JAK1: variants seen among roughly 807,000 people sequenced by gnomAD.
The protein encoded by JAK1 is Janus kinase 1.
JAK1 carries 16 observed loss-of-function variants against 136.6 expected under a neutral mutation model. That is an observed-to-expected ratio of 0.12 (90% CI 0.08 to 0.18). The LOEUF (loss-of-function observed/expected upper bound fraction) is 0.18, where lower values mean the gene tolerates loss of function less well. Ranked by LOEUF, JAK1 falls within the 10% of genes least tolerant of loss-of-function variation. The pLI, the probability that JAK1 is intolerant of heterozygous loss-of-function variation, is 1.00. For missense variants in JAK1, 859 were observed against 1,450.1 expected (o/e 0.59, Z 6.62); for synonymous variants, 492 against 519.5 (o/e 0.95, Z 0.72).
At chr1:64,945,740 T>TC (rs930397980) in intron 1 of JAK1, among the ~76,000 whole-genome samples, 3 of 151,586 alleles carry the variant, frequency 2.0e-5, no homozygotes, top group Non-Finnish European at 3.0e-5. Flanking sequence ...TCTTTTTTTT[T>TC]TTCTTTGACA....
At chr1:65,060,820 A>T (rs1647760714) in intron 1 of JAK1, among the ~76,000 whole-genome samples, 1 of 152,186 alleles carries the variant, frequency 6.6e-6, no homozygotes, top group South Asian at 2.1e-4. Context: ...CATTTTTGAA[A>T]ATTTAAATCC....
At chr1:64,909,587 G>A (rs1383019596) in intron 1 of JAK1, among the ~76,000 whole-genome samples, 1 of 151,322 alleles carries the variant, frequency 6.6e-6, no homozygotes, top group African/African-American at 2.4e-5. Flanking sequence ...TTGGAAGGAT[G>A]AGGCAAGAGG....
At chr1:65,025,017 C>A (rs994038353) in intron 2 of JAK1, among the ~76,000 whole-genome samples, 1 of 152,082 alleles carries the variant, frequency 6.6e-6, no homozygotes, top group Non-Finnish European at 1.5e-5. Flanking sequence ...TCTTCCTTCT[C>A]CCCTCTTAGC....
chr1:64,843,098 A>AC (rs1655010917), intron 17 of JAK1, among the ~76,000 whole-genome samples: 1 of 151,786 alleles, frequency 6.6e-6, no homozygotes, highest in South Asian at 2.1e-4. Flanking sequence ...GTCCCATGCC[A>AC]CCCCCAGTAA....
At chr1:64,879,237 A>G (rs1422151846) in intron 3 of JAK1, 89 bp from the exon 4 acceptor site, 2 of 1,467,088 alleles carry the variant, frequency 1.4e-6, no homozygotes, top group East Asian at 2.4e-5. Flanking sequence ...AAGATAAGGA[A>G]CTCTCTCATC....
intron 1 of JAK1, among the ~76,000 whole-genome samples, chr1:64,927,164 C>T (rs1340328506): frequency 1.3e-5 from 2 of 152,182 alleles, no homozygotes; most frequent in African/African-American, 2.4e-5. Flanking sequence ...CGTACCCTGA[C>T]GACCCTATTA....
intron 2 of JAK1, among the ~76,000 whole-genome samples, chr1:65,021,613 T>C (rs1439550311): frequency 6.6e-6 from 1 of 152,142 alleles, no homozygotes; most frequent in Admixed American, 6.6e-5. Context: ...TGCTAAGAAG[T>C]TGTTCATTGA....
At position 64,834,063 on chromosome 1, in the gene JAK1, T is replaced by C. The variant is rs1654313411; in HGVS notation, c.*499A>G. The C allele has an allele frequency of 8.6e-6, 2 of 232,928 alleles. No individual in the cohort carries two copies. The highest frequency in any genetic ancestry group is 1.1e-4 in the Admixed American group (2 of 17,794). The allele number at this position is 232,928 out of a possible 1,614,324, so 14.4% of individuals were successfully genotyped here. On this transcript the variant is annotated 3_prime_UTR_variant, in exon 25 of 25. Coordinates refer to ENST00000342505, the MANE Select transcript of JAK1 (RefSeq NM_002227.4). ...ATATACTACCTGGTATCTAATATTT[T>C]AAGAATGCATGGTCTAGTACTGTAT... is the stretch of plus-strand genomic sequence containing the variant.
chr1:64,856,187 C>A (rs1206245064), intron 10 of JAK1, among the ~76,000 whole-genome samples: 2 of 152,212 alleles, frequency 1.3e-5, no homozygotes, highest in East Asian at 3.8e-4. Context: ...GAAAACCACA[C>A]TGGGAGCTGG....
chr1:64,925,117 C>G (rs1001373819), intron 1 of JAK1, among the ~76,000 whole-genome samples: 3 of 152,022 alleles, frequency 2.0e-5, no homozygotes, highest in Non-Finnish European at 4.4e-5. Flanking sequence ...TTGCTCTAGG[C>G]TGGGCGCAGT....
chr1:64,860,690 G>C (rs1283044254), intron 8 of JAK1, among the ~76,000 whole-genome samples: 2 of 152,000 alleles, frequency 1.3e-5, no homozygotes, highest in African/African-American at 2.4e-5. Flanking sequence ...CTGACCTCGA[G>C]TGATCTCCCA....
intron 1 of JAK1, among the ~76,000 whole-genome samples, chr1:64,965,492 G>A (rs577919049): frequency 1.3e-5 from 2 of 152,268 alleles, no homozygotes; most frequent in East Asian, 1.9e-4. Context: ...CACATCCAAG[G>A]AGCCCACATC....
intron 1 of JAK1, among the ~76,000 whole-genome samples, chr1:65,053,770 G>A (rs1557777042): frequency 3.3e-5 from 5 of 152,290 alleles, no homozygotes; most frequent in African/African-American, 7.2e-5. Flanking sequence ...ACAATGAGCC[G>A]TGATGGCACC....
At chr1:64,947,207 T>A (rs1377574354) in intron 1 of JAK1, among the ~76,000 whole-genome samples, 1 of 148,734 alleles carries the variant, frequency 6.7e-6, no homozygotes, top group Non-Finnish European at 1.5e-5. Context: ...GTAAATTTTA[T>A]GTTGTTTATT....
At chr1:64,887,520 C>G (rs918003915) in intron 1 of JAK1, among the ~76,000 whole-genome samples, 2 of 152,170 alleles carry the variant, frequency 1.3e-5, no homozygotes, top group Admixed American at 6.5e-5. Context: ...TTTCAAACAG[C>G]TCTGCAGAAA....
Position 64,991,713 on chromosome 1 carries a change from GAACT to G in JAK1, c.-78+52763_-78+52766del, listed in dbSNP as rs767430028. On this transcript the variant is annotated intron_variant, in intron 2 of 25. Transcript: ENST00000671954. ...CAAAGAATCTACAAGAAACCTACTTGAACTAATAAATGAATTCAACAAAGTTGCA... is the reference window on the plus strand; with the variant it reads ...CAAAGAATCTACAAGAAACCTACTTGAATAAATGAATTCAACAAAGTTGCA... 20 of 152,176 alleles carry G rather than the reference GAACT, an allele frequency of 1.3e-4. No individual in the cohort carries two copies. In the East Asian group the frequency reaches 2.5e-3, roughly 19 times the overall value. The allele number at this position is 152,176 out of a possible 1,614,324, so 9.4% of individuals were successfully genotyped here.
chr1:64,998,057 T>TA (rs1646719924), intron 2 of JAK1, among the ~76,000 whole-genome samples: 1 of 152,036 alleles, frequency 6.6e-6, no homozygotes, highest in South Asian at 2.1e-4. Context: ...TCAAACAAGT[T>TA]AAAAAGAAGA....
intron 15 of JAK1, 44 bp downstream of exon 15, chr1:64,845,469 T>G (rs1220145653): frequency 1.2e-6 from 2 of 1,612,044 alleles, no homozygotes; most frequent in Non-Finnish European, 1.7e-6. Context: ...CCCAGGACAC[T>G]CTGGTTTCTG....
chr1:65,067,550 C>T (rs1648126233), intron 1 of JAK1: 1 of 146,184 alleles, frequency 6.8e-6, no homozygotes, highest in Admixed American at 6.8e-5. Context: ...CCCGCGGGCG[C>T]TCGGCCCCGC....
Sources: gnomAD v4.1 joint callset for allele counts (sites outside exome capture counted in the v4.1 genomes callset) on GRCh38, gnomAD v4.1.1 for gene constraint, MANE v1.5 for transcripts, NCBI Gene and HGNC (gene_info 2026-07-23, HGNC 2026-07-21) for gene names.